The following MEIKIN variants were observed in gnomAD, a reference collection of about 807,000 sequenced individuals.
MEIKIN encodes meiosis-specific kinetochore protein.
intron 11 of MEIKIN, among the ~76,000 whole-genome samples, chr5:131,845,817 AT>A (rs1247757950): frequency 6.6e-6 from 1 of 152,158 alleles, no homozygotes; most frequent in Non-Finnish European, 1.5e-5. Context: ...GCAAACCTAC[AT>A]ATATATTGTG....
At chr5:131,900,021 A>G (rs1263531247) in intron 8 of MEIKIN, among the ~76,000 whole-genome samples, 1 of 152,230 alleles carries the variant, frequency 6.6e-6, no homozygotes, top group African/African-American at 2.4e-5. Context: ...ATTTTATCCA[A>G]TGGGTTCAGA....
intron 8 of MEIKIN, among the ~76,000 whole-genome samples, chr5:131,906,659 T>C (rs1480707393): frequency 1.3e-5 from 2 of 152,182 alleles, no homozygotes; most frequent in Non-Finnish European, 2.9e-5. Flanking sequence ...ATGTGGTACA[T>C]ATACACCATG....
At chr5:131,861,749 A>G (rs956880391) in intron 9 of MEIKIN, among the ~76,000 whole-genome samples, 7 of 152,234 alleles carry the variant, frequency 4.6e-5, no homozygotes, top group African/African-American at 1.7e-4. Flanking sequence ...GTGATGTATC[A>G]AATTTATTGA....
chr5:131,938,760 G>T (rs773942555), intron 4 of MEIKIN, among the ~76,000 whole-genome samples: 83 of 152,210 alleles, frequency 5.5e-4, no homozygotes, highest in Middle Eastern at 3.4e-3. Context: ...CTTTTTAAAA[G>T]ATTTTTCTTG....
intron 3 of MEIKIN, among the ~76,000 whole-genome samples, chr5:131,942,982 T>C (rs1751898790): frequency 6.6e-6 from 1 of 152,086 alleles, no homozygotes; most frequent in Non-Finnish European, 1.5e-5. Context: ...GGTGAATATT[T>C]TTCTGGTTCC....
chr5:131,825,802 G>C (rs541151493), intron 11 of MEIKIN, among the ~76,000 whole-genome samples: 4 of 152,208 alleles, frequency 2.6e-5, no homozygotes, highest in South Asian at 4.1e-4. Flanking sequence ...TAAGGACCTT[G>C]GGAATGTGCA....
At position 131,887,323 on chromosome 5, in the gene MEIKIN, T is replaced by C. The variant is rs183831978; in HGVS notation, c.704-8275A>G. 5.9e-5 allele frequency among the ~76,000 whole-genome samples: 9 copies of C among 152,248 alleles called. No individual in the cohort carries two copies. The East Asian group carries it at 9.7e-4, about 16-fold the overall frequency. On this transcript the variant is annotated intron_variant, in intron 8 of 12. Coordinates refer to ENST00000442687, the MANE Select transcript of MEIKIN (RefSeq NM_001303622.2). ...TATATGTGTGCATGTGTCTTTATAG[T>C]AGCATGATTTATAACCCTTTGGGTA...
At chr5:131,809,821 A>G (rs967114694) in intron 12 of MEIKIN, among the ~76,000 whole-genome samples, 3 of 149,956 alleles carry the variant, frequency 2.0e-5, no homozygotes, top group African/African-American at 7.3e-5. Flanking sequence ...CAAACGAACA[A>G]AAAAAAAAAA....
chr5:131,920,628 TATG>T (rs1294326378), intron 6 of MEIKIN, among the ~76,000 whole-genome samples: 2 of 152,148 alleles, frequency 1.3e-5, no homozygotes, highest in Non-Finnish European at 1.5e-5. Context: ...AACCCTTTGA[TATG>T]ATATGATACA....
chr5:131,918,229 C>T (rs1410099915), intron 6 of MEIKIN, among the ~76,000 whole-genome samples: 1 of 152,160 alleles, frequency 6.6e-6, no homozygotes, highest in Admixed American at 6.5e-5. Flanking sequence ...GGAAATGGAT[C>T]CTACCGATAT....
intron 7 of MEIKIN, among the ~76,000 whole-genome samples, chr5:131,916,185 G>C (rs186810359): frequency 6.6e-6 from 1 of 152,012 alleles, no homozygotes; most frequent in Non-Finnish European, 1.5e-5. Flanking sequence ...ATTGTGGAAG[G>C]AATTTTTTAA....
rs1227023760 is a variant in MEIKIN, at chr5:131,911,894, A to T, written c.639-15T>A. 2.5e-6 allele frequency: 1 copy of T among 397,596 alleles called. No homozygotes were observed. Among genetic ancestry groups the T allele is most frequent in the African/African-American group, 2.1e-5 (1 of 48,566 alleles). The allele number at this position is 397,596 out of a possible 1,614,324, so 24.6% of individuals were successfully genotyped here. ...CTGTCATCACTCTATAACAAGAACA[A>T]ACTGTTTAGTGGTATTTTCTAAATC... On this transcript the variant is annotated splice_polypyrimidine_tract_variant and intron_variant, in intron 7 of 12. Coordinates refer to ENST00000442687, the MANE Select transcript of MEIKIN (RefSeq NM_001303622.2).
At chr5:131,936,924 C>G (rs1751789448) in intron 4 of MEIKIN, among the ~76,000 whole-genome samples, 1 of 152,112 alleles carries the variant, frequency 6.6e-6, no homozygotes, top group South Asian at 2.1e-4. Flanking sequence ...TTTAAAAACA[C>G]CAGGTTATCT....
chr5:131,857,439 C>A (rs1380439512), intron 9 of MEIKIN, among the ~76,000 whole-genome samples: 1 of 152,172 alleles, frequency 6.6e-6, no homozygotes, highest in African/African-American at 2.4e-5. Flanking sequence ...TTTTGGGTAA[C>A]TGTAGGACCT....
At chr5:131,890,914 G>C (rs900583300) in intron 8 of MEIKIN, among the ~76,000 whole-genome samples, 14 of 151,608 alleles carry the variant, frequency 9.2e-5, no homozygotes, top group Non-Finnish European at 1.9e-4. Flanking sequence ...CTGGTATTTT[G>C]TGTCTTTGTT....
intron 8 of MEIKIN, among the ~76,000 whole-genome samples, chr5:131,894,613 G>A (rs528454448): frequency 1.3e-5 from 2 of 152,174 alleles, no homozygotes; most frequent in East Asian, 1.9e-4. Flanking sequence ...GAGGTCATTT[G>A]CATCCCTTGT....
At chr5:131,838,399 A>C (rs1322266713) in intron 11 of MEIKIN, among the ~76,000 whole-genome samples, 1 of 151,898 alleles carries the variant, frequency 6.6e-6, no homozygotes, top group African/African-American at 2.4e-5. Flanking sequence ...CCTCATTTTC[A>C]ATTTTTTTTA....
At chr5:131,863,808 T>A (rs1211643960) in intron 9 of MEIKIN, among the ~76,000 whole-genome samples, 1 of 152,082 alleles carries the variant, frequency 6.6e-6, no homozygotes, top group Non-Finnish European at 1.5e-5. Flanking sequence ...CTTGTGATAG[T>A]GAATACGTCT....
At chr5:131,905,378 C>A (rs1381751149) in intron 8 of MEIKIN, among the ~76,000 whole-genome samples, 1 of 151,860 alleles carries the variant, frequency 6.6e-6, no homozygotes, top group Non-Finnish European at 1.5e-5. Flanking sequence ...AATACCGCAA[C>A]TAGAGGAACT....
Sources: allele counts gnomAD v4.1 joint callset (sites outside exome capture counted in the v4.1 genomes callset), GRCh38; gene constraint gnomAD v4.1.1; transcripts MANE v1.5; gene names NCBI Gene and HGNC (gene_info 2026-07-23, HGNC 2026-07-21).